HSD17B12: variants seen among roughly 807,000 people sequenced by gnomAD.
HSD17B12 encodes the protein very-long-chain 3-oxoacyl-CoA reductase.
A neutral mutation model predicts 39.3 loss-of-function variants in HSD17B12; 32 were observed. The observed-to-expected ratio is 0.81, with a 90% CI of 0.61 to 1.09. The LOEUF is 1.09. Among genes scored for constraint, HSD17B12 ranks in the 50% least tolerant of loss-of-function variants. The probability of loss-of-function intolerance (pLI) is 0.00; values close to 1 mark genes in which losing one functional copy is unlikely to be tolerated. For synonymous variants in HSD17B12, 150 were observed against 146.7 expected, an observed-to-expected ratio of 1.02 and a Z score of -0.16; for missense variants, 342 against 382.9, an observed-to-expected ratio of 0.89 and a Z score of 0.89.
the HSD17B12 span, among the ~76,000 whole-genome samples, chr11:43,666,983 A>G: frequency 2.0e-5 from 3 of 152,234 alleles, no homozygotes; most frequent in African/African-American, 4.8e-5. Flanking sequence ...TATTCCCTGC[A>G]GATAGCAAAC....
At position 43,838,270 on chromosome 11, in the gene HSD17B12, G is replaced by A. The variant is rs758164077; in HGVS notation, c.537-47G>A. ...CTCAATCTGTAATTCACAAACAACT[G>A]CATACTGTGGCTTCACTCCTTTTAC... On this transcript the variant is annotated intron_variant, in intron 7 of 10. Coordinates refer to ENST00000278353, the MANE Select transcript of HSD17B12 (RefSeq NM_016142.3). The A allele has an allele frequency of 3.3e-6, 4 of 1,214,122 alleles. No homozygotes were observed. In the African/African-American group the frequency reaches 6.0e-5, roughly 18 times the overall value. The allele number at this position is 1,214,122 out of a possible 1,614,324, so 75.2% of individuals were successfully genotyped here. A position where few individuals can be genotyped will look rare whatever the true frequency, so the allele number is the denominator to read the frequency against.
the HSD17B12 span, among the ~76,000 whole-genome samples, chr11:43,653,708 T>A: frequency 6.6e-6 from 1 of 152,214 alleles, no homozygotes; most frequent in Non-Finnish European, 1.5e-5. Flanking sequence ...GCTTCATCCA[T>A]GTCCTTACAA....
At chr11:43,682,490 C>A (rs12290006) in intron 1 of HSD17B12, among the ~76,000 whole-genome samples, 2 of 147,502 alleles carry the variant, frequency 1.4e-5, no homozygotes, top group Non-Finnish European at 3.0e-5. Context: ...TGCAGTGAGC[C>A]GAGATCATGC....
At chr11:43,617,511 T>C in the HSD17B12 span, among the ~76,000 whole-genome samples, 1 of 152,142 alleles carries the variant, frequency 6.6e-6, no homozygotes, top group African/African-American at 2.4e-5. Context: ...CTTTGAGATT[T>C]CAGGAAAGAA....
chr11:43,710,210 A>G (rs1950051968), intron 1 of HSD17B12, among the ~76,000 whole-genome samples: 1 of 152,206 alleles, frequency 6.6e-6, no homozygotes, highest in Non-Finnish European at 1.5e-5. Flanking sequence ...TGTCATTTGA[A>G]GTTTTCTACA....
chr11:43,733,209 C>T (rs1285747153), intron 1 of HSD17B12, among the ~76,000 whole-genome samples: 1 of 152,098 alleles, frequency 6.6e-6, no homozygotes, highest in Non-Finnish European at 1.5e-5. Context: ...ATAGGTAGTT[C>T]CTAGTTTATA....
chr11:43,777,125 T>G (rs1455633888), intron 3 of HSD17B12, among the ~76,000 whole-genome samples: 6 of 152,204 alleles, frequency 3.9e-5, no homozygotes, highest in Admixed American at 6.5e-5. Context: ...TAAAGTAGTT[T>G]TTTCCAATTC....
chr11:43,793,488 A>G (rs891505700), intron 3 of HSD17B12, among the ~76,000 whole-genome samples: 4 of 152,236 alleles, frequency 2.6e-5, no homozygotes, highest in Non-Finnish European at 5.9e-5. Context: ...AACTTGAGGA[A>G]AGTCCTTCTA....
intron 1 of HSD17B12, among the ~76,000 whole-genome samples, chr11:43,744,622 G>T (rs1007564686): frequency 2.6e-5 from 4 of 152,134 alleles, no homozygotes; most frequent in African/African-American, 9.7e-5. Context: ...GTATATCCTG[G>T]ATATCCTGGA....
chr11:43,801,963 A>G (rs899696899), intron 4 of HSD17B12, among the ~76,000 whole-genome samples: 1 of 151,016 alleles, frequency 6.6e-6, no homozygotes, highest in Non-Finnish European at 1.5e-5. Context: ...AGTAAAAAGA[A>G]ACAGATGAAG....
chr11:43,601,500 CTTTTT>C, the HSD17B12 span, among the ~76,000 whole-genome samples: 210 of 141,416 alleles, frequency 1.5e-3, no homozygotes, highest in East Asian at 2.6e-3. Flanking sequence ...AGTTAAAGAG[CTTTTT>C]TTTTTTTTTT....
At chr11:43,697,637 G>A (rs1331602642) in intron 1 of HSD17B12, among the ~76,000 whole-genome samples, 7 of 152,160 alleles carry the variant, frequency 4.6e-5, no homozygotes, top group Admixed American at 4.6e-4. Flanking sequence ...TATGCTAAAC[G>A]GCATTGATAA....
intron 1 of HSD17B12, among the ~76,000 whole-genome samples, chr11:43,690,357 CATACATATATATATATAT>C (rs1565049461): frequency 4.7e-4 from 35 of 74,068 alleles, no homozygotes; most frequent in African/African-American, 2.1e-3. Flanking sequence ...GTAAGGTATT[CATACATATATATATATAT>C]ATATATATAT....
intron 3 of HSD17B12, among the ~76,000 whole-genome samples, chr11:43,768,238 C>T (rs1009784019): frequency 1.3e-5 from 2 of 152,192 alleles, no homozygotes; most frequent in Non-Finnish European, 2.9e-5. Flanking sequence ...ACAGATAAAA[C>T]ACAAACTAAA....
the HSD17B12 span, among the ~76,000 whole-genome samples, chr11:43,611,767 T>C: frequency 6.6e-6 from 1 of 152,222 alleles, no homozygotes; most frequent in Non-Finnish European, 1.5e-5. Context: ...TTTTTGTTCC[T>C]GTCACATACC....
intron 3 of HSD17B12, among the ~76,000 whole-genome samples, chr11:43,784,882 A>G (rs1466156106): frequency 6.6e-6 from 1 of 152,186 alleles, no homozygotes; most frequent in Admixed American, 6.6e-5. Flanking sequence ...AGTGAGCAGC[A>G]TAGTATTTCT....
At chr11:43,580,076 G>C in the HSD17B12 span, among the ~76,000 whole-genome samples, 1 of 147,482 alleles carries the variant, frequency 6.8e-6, no homozygotes, top group Non-Finnish European at 1.5e-5. Context: ...TGGGGGGGGG[G>C]AGGGGCAGGA....
the HSD17B12 span, among the ~76,000 whole-genome samples, chr11:43,578,615 T>C: frequency 2.0e-5 from 3 of 152,194 alleles, no homozygotes; most frequent in African/African-American, 7.2e-5. Context: ...ACTGGTTCCC[T>C]TTCCCAAGCC....
At chr11:43,695,993 CCCACCTT>C (rs1949908319) in intron 1 of HSD17B12, among the ~76,000 whole-genome samples, 1 of 152,140 alleles carries the variant, frequency 6.6e-6, no homozygotes, top group African/African-American at 2.4e-5. Flanking sequence ...TCTCCCTCCT[CCCACCTT>C]CCACCCTCCG....
Sources: allele counts gnomAD v4.1 joint callset (sites outside exome capture counted in the v4.1 genomes callset), GRCh38; gene constraint gnomAD v4.1.1; transcripts MANE v1.5; gene names NCBI Gene and HGNC (gene_info 2026-07-23, HGNC 2026-07-21).